Variants in ATP11A observed in about 807,000 individuals in gnomAD.
ATP11A encodes the protein phospholipid-transporting ATPase IH.
In ATP11A, 81 loss-of-function variants were observed where a neutral mutation model predicts 154.4. The ratio of observed to expected loss-of-function variants is 0.52; its 90% CI spans 0.44 to 0.63. ATP11A has a LOEUF of 0.63. Ranked by LOEUF, ATP11A falls within the 30% of genes least tolerant of loss-of-function variation. ATP11A has a pLI of 0.00. For missense variants in ATP11A, 1,316 were observed against 1,474.3 expected (o/e 0.89, Z 1.76); for synonymous variants, 623 against 585.9 (o/e 1.06, Z -0.91).
At chr13:112,767,519 G>A (rs2077123375) in intron 1 of ATP11A, among the ~76,000 whole-genome samples, 1 of 151,070 alleles carries the variant, frequency 6.6e-6, no homozygotes, top group Non-Finnish European at 1.5e-5. Flanking sequence ...GGGGTATCGG[G>A]GGCCCCTGTG....
At chr13:112,876,847 C>T (rs796803526) in intron 28 of ATP11A, among the ~76,000 whole-genome samples, 46 of 152,252 alleles carry the variant, frequency 3.0e-4, no homozygotes, top group African/African-American at 1.0e-3. Flanking sequence ...TGGCTCCCAG[C>T]GGTGCTGCTG....
intron 4 of ATP11A, among the ~76,000 whole-genome samples, chr13:112,806,517 CTG>C (rs889877002): frequency 6.6e-6 from 1 of 152,220 alleles, no homozygotes; most frequent in Non-Finnish European, 1.5e-5. Flanking sequence ...GAGAAGAAAT[CTG>C]TGGTTTTCAC....
intron 29 of ATP11A, chr13:112,881,465 T>C: frequency 9.2e-7 from 1 of 1,088,688 alleles, no homozygotes. Context: ...TCGAGCTCAC[T>C]GCACAGGAAG....
At chr13:112,803,005 G>GCCT (rs924172530) in intron 2 of ATP11A, among the ~76,000 whole-genome samples, 6 of 152,088 alleles carry the variant, frequency 3.9e-5, no homozygotes, top group Admixed American at 1.3e-4. Context: ...AGCTCCCCTT[G>GCCT]CCTTTTTTAT....
chr13:112,804,956 G>A lies in ATP11A; in HGVS notation c.163-1G>A, dbSNP rs1356901147. 6.3e-7 allele frequency: 1 copy of A among 1,591,392 alleles called. No homozygotes were observed. The highest frequency in any genetic ancestry group is 8.6e-7 in the Non-Finnish European group (1 of 1,163,842). On this transcript the variant is annotated splice_acceptor_variant, in intron 2 of 29. Coordinates refer to ENST00000375645, the MANE Select transcript of ATP11A (RefSeq NM_015205.3). LOFTEE classifies it high-confidence loss of function. ...TGGATGTTTGTTTTTCTTTTATGCA[G>A]TACACATTTTGGAACTTTATACCCA...
chr13:112,745,038 C>T lies in ATP11A; in HGVS notation c.40-40097C>T, dbSNP rs393104. 3.5e-3 allele frequency among the ~76,000 whole-genome samples: 528 copies of T among 152,210 alleles called. 5 individuals carry two copies. The highest frequency in any genetic ancestry group is 0.012 in the African/African-American group (504 of 41,542). ...CTGGATAGCTAAGACTTACTAGTTT[C>T]GAGATAAGTTAGTAGCATAATAATA... On this transcript the variant is annotated intron_variant, in intron 1 of 29. Coordinates refer to ENST00000375645, the MANE Select transcript of ATP11A (RefSeq NM_015205.3).
intron 1 of ATP11A, among the ~76,000 whole-genome samples, chr13:112,716,365 G>C (rs1407798369): frequency 1.3e-5 from 2 of 152,120 alleles, no homozygotes; most frequent in Admixed American, 6.5e-5. Flanking sequence ...GTGGCCTGGC[G>C]TCTCCCCAGA....
chr13:112,841,228 C>G (rs1415069600), intron 16 of ATP11A, among the ~76,000 whole-genome samples: 1 of 146,190 alleles, frequency 6.8e-6, no homozygotes, highest in Non-Finnish European at 1.5e-5. Flanking sequence ...GCTTCGCGGA[C>G]CACGGATGCT....
At position 112,882,126 on chromosome 13, in the gene ATP11A, G is replaced by A. The variant is rs2080901647; in HGVS notation, c.*260G>A. 2 of 1,333,518 alleles carry A rather than the reference G, an allele frequency of 1.5e-6. No individual in the cohort carries two copies. The highest frequency in any genetic ancestry group is 1.9e-5 in the Admixed American group (1 of 51,600). 82.6% of individuals were successfully genotyped at this position (1,333,518 alleles called of 1,614,324 possible). On this transcript the variant is annotated 3_prime_UTR_variant, in exon 30 of 30. Transcript: ENST00000375645. The surrounding 1 kb of genome is among the most constrained non-coding windows in gnomAD (Gnocchi z 5.1). The stretch of plus-strand genomic sequence containing the variant: ...CTCTTCCTGGCCCCCAGCAGGCAAG[G>A]AGGGGGGTCACAGGCCTTGCCCTCG...
chr13:112,810,867 G>A (rs1443710570), intron 5 of ATP11A, 141 bp downstream of exon 5: 13 of 715,866 alleles, frequency 1.8e-5, no homozygotes, highest in Middle Eastern at 3.6e-4. Context: ...CCTGGAAGTC[G>A]GAGGCCACTC....
intron 21 of ATP11A, 44 bp from the exon 22 acceptor site, chr13:112,858,101 T>C (rs1226287313): frequency 1.2e-6 from 2 of 1,602,634 alleles, no homozygotes; most frequent in Non-Finnish European, 1.7e-6. Context: ...CTGTGTGTGG[T>C]GTGCAGAAAG....
chr13:112,744,917 T>C (rs1891959198), intron 1 of ATP11A, among the ~76,000 whole-genome samples: 1 of 152,260 alleles, frequency 6.6e-6, no homozygotes, highest in African/African-American at 2.4e-5. Flanking sequence ...TGGTGAGTTT[T>C]AAATGTGATC....
chr13:112,711,108 A>AT (rs1887693616), intron 1 of ATP11A, among the ~76,000 whole-genome samples: 1 of 151,928 alleles, frequency 6.6e-6, no homozygotes. Flanking sequence ...ATCCCAGGGG[A>AT]CCCGTCCTGC....
At chr13:112,839,769 A>T (rs1229106439) in intron 16 of ATP11A, among the ~76,000 whole-genome samples, 1 of 152,212 alleles carries the variant, frequency 6.6e-6, no homozygotes, top group African/African-American at 2.4e-5. Flanking sequence ...TGGAATTCAC[A>T]AGCTGAGACA....
chr13:112,851,528 CT>C (rs202083531), intron 18 of ATP11A: 224 of 210,226 alleles, frequency 1.1e-3, no homozygotes, highest in Middle Eastern at 3.4e-3. Context: ...ATTCTTTCTT[CT>C]TTTTTTTTAA....
intron 1 of ATP11A, among the ~76,000 whole-genome samples, chr13:112,744,957 G>C (rs995192270): frequency 5.9e-5 from 9 of 152,186 alleles, no homozygotes; most frequent in Non-Finnish European, 8.8e-5. Context: ...AATAGTACGT[G>C]GCACACAGTG....
rs567597663 is a variant in ATP11A, at chr13:112,805,698, AAAAG to A, written c.253-503_253-500del. The stretch of plus-strand genomic sequence containing the variant: ...AAAAAAAAAAAAAAAAAGAGAAAGA[AAAAG>A]AAAGAAAGAAAATCCAAAGACAGTA... On this transcript the variant is annotated intron_variant, in intron 3 of 29. Coordinates refer to ENST00000375645, the MANE Select transcript of ATP11A (RefSeq NM_015205.3). Among the ~76,000 whole-genome samples, 624 of 151,872 alleles carry A rather than the reference AAAAG, an allele frequency of 4.1e-3. 5 individuals are homozygous for A. Among genetic ancestry groups the A allele is most frequent in the African/African-American group, 0.013 (525 of 41,382 alleles).
rs755102083 is a variant in ATP11A at position 112,859,416 on chromosome 13, GTT to G, written c.2695_2696del (p.Leu899IlefsTer43). ...AGAACGTCTGCTTCATCTTCCCTCA[GTT>G]TTTATACCAGTTCTTCTGTGGGTTT... Reference protein sequence around the residue: ...YKNVCFIFPQFLYQFFCGFSQ... With the variant: ...YKNVCFIFPQXLYQFFCGFSQ... On this transcript the variant is annotated frameshift_variant, in exon 23 of 30. Coordinates refer to ENST00000375645, the MANE Select transcript of ATP11A (RefSeq NM_015205.3). The surrounding 1 kb of genome is among the most constrained non-coding windows in gnomAD (Gnocchi z 4.3). 3 of 1,613,984 alleles carry G rather than the reference GTT, an allele frequency of 1.9e-6. No individual in the cohort carries two copies. The highest frequency in any genetic ancestry group is 1.7e-6 in the Non-Finnish European group (2 of 1,179,966).
At position 112,854,494 on chromosome 13, in the gene ATP11A, G is replaced by A. The variant is rs759268890; in HGVS notation, c.2207G>A (p.Arg736His). ...TTCGAGCTGAGCAAGACGGTCCTGC[G>A]CCACAGCGGGAGCCTGACCAGAGAC... ...VLFELSKTVL[R>H]HSGSLTRDNL... The change falls in exon 19 of 30, where the codon CGC (arginine) becomes CAC (histidine). Residue 736 changes from arginine to histidine, a missense_variant. Physicochemically the swap from Arg to His is conservative, Grantham distance 29. Around this residue, in one of 5 missense-constraint regions of ATP11A, gnomAD observed 876 missense variants for 1,006.8 expected, o/e 0.87. Transcript: ENST00000375645. 3.3e-5 allele frequency: 53 copies of A among 1,611,506 alleles called. 1 individual carries two copies. In the African/African-American group the frequency reaches 4.5e-4, roughly 14 times the overall value.
Sources: allele counts gnomAD v4.1 joint callset (sites outside exome capture counted in the v4.1 genomes callset), GRCh38; gene constraint gnomAD v4.1.1; regional missense constraint gnomAD v4.1.1; non-coding constraint Gnocchi (gnomAD v3.1); transcripts MANE v1.5; gene names NCBI Gene and HGNC (gene_info 2026-07-23, HGNC 2026-07-21).